DDI2: variants seen among roughly 807,000 people sequenced by gnomAD.
DDI2 encodes protein DDI1 homolog 2.
DDI2 carries 5 observed loss-of-function variants against 48.1 expected under a neutral mutation model. That is an observed-to-expected ratio of 0.10 (90% CI 0.05 to 0.22). The LOEUF is 0.22. DDI2 is among the 10% of genes least tolerant of loss of function. DDI2 has a pLI of 1.00. For missense variants in DDI2, 285 were observed against 506.2 expected, an observed-to-expected ratio of 0.56 and a Z score of 4.19; for synonymous variants, 205 against 183.6, an observed-to-expected ratio of 1.12 and a Z score of -0.94.
At chr1:15,620,095 C>G (rs909813093) in intron 1 of DDI2, among the ~76,000 whole-genome samples, 2 of 152,160 alleles carry the variant, frequency 1.3e-5, no homozygotes, top group Non-Finnish European at 2.9e-5. Flanking sequence ...CAAATTATTT[C>G]TTGTTCATTA....
chr1:15,661,296 C>T lies in DDI2; in HGVS notation c.*1506C>T, dbSNP rs1640371677. ...ATAAGAACCGTTCTGTCACTGTAACCTCAGCTAAAACATCCAATCAGTTAC... is the reference window on the plus strand; with the variant it reads ...ATAAGAACCGTTCTGTCACTGTAACTTCAGCTAAAACATCCAATCAGTTAC... On this transcript the variant is annotated 3_prime_UTR_variant, in exon 10 of 10. Coordinates refer to ENST00000480945, the MANE Select transcript of DDI2 (RefSeq NM_032341.5). The T allele has an allele frequency of 2.5e-6, 4 of 1,613,942 alleles. 1 individual carries two copies. The South Asian group carries it at 3.3e-5, about 13-fold the overall frequency.
intron 6 of DDI2, among the ~76,000 whole-genome samples, chr1:15,644,578 GTTTTTTTTGTTTTTTTTTT>G (rs1232902784): frequency 8.2e-5 from 9 of 110,152 alleles, no homozygotes; most frequent in Non-Finnish European, 1.5e-4. Flanking sequence ...TTTCTTTTCA[GTTTTTTTTGTTTTTTTTTT>G]TTTTTTTTTT....
chr1:15,661,827 G>T lies in DDI2; in HGVS notation c.*2037G>T, dbSNP rs537321999. ...ACTCACCACATATACAGTATATATA[G>T]AAACCTGCAAGCAGAATGTTGAGCC... On this transcript the variant is annotated 3_prime_UTR_variant, in exon 10 of 10. Transcript: ENST00000480945. 12 of 1,344,732 alleles carry T rather than the reference G, an allele frequency of 8.9e-6. No homozygotes were observed. The highest frequency in any genetic ancestry group is 1.1e-5 in the Non-Finnish European group (11 of 1,036,574). 83.3% of individuals were successfully genotyped at this position (1,344,732 alleles called of 1,614,324 possible).
rs781075305 is a variant in DDI2 at position 15,651,821 on chromosome 1, G to A, written c.1109G>A (p.Arg370Lys). The change falls in exon 8 of 10, where the codon AGA (arginine) becomes AAA (lysine). Residue 370 changes from arginine (R) to lysine (K), a missense_variant. By Grantham distance (26) the Arg-to-Lys change is conservative. Around this residue, in one of 3 missense-constraint regions of DDI2, gnomAD observed 66 missense variants for 87.3 expected, o/e 0.76. Coordinates refer to ENST00000480945, the MANE Select transcript of DDI2 (RefSeq NM_032341.5). The part of the protein sequence containing the change: ...ECARLAYGAG[R>K]EDVRPEEIAD... ...GCCCGGTTGGCATATGGGGCTGGAA[G>A]AGAGGATGTACGGCCAGAGGAGATT... 9 of 1,614,110 alleles carry A rather than the reference G, an allele frequency of 5.6e-6. No individual in the cohort carries two copies. Among genetic ancestry groups the A allele is most frequent in the Non-Finnish European group, 7.6e-6 (9 of 1,179,992 alleles).
intron 8 of DDI2, among the ~76,000 whole-genome samples, chr1:15,654,629 C>T (rs1221064248): frequency 6.6e-6 from 1 of 150,924 alleles, no homozygotes; most frequent in African/African-American, 2.4e-5. Context: ...TGCAATCCAG[C>T]CTGGGTGACA....
In DDI2 at chr1:15,659,919, A is replaced by G. The variant is rs760625323; in HGVS notation, c.*129A>G. The stretch of plus-strand genomic sequence containing the variant: ...GGTTTAACCATCCCGCCCGTTCTTC[A>G]GGACAGAGTCCTGATGTTGGTAATC... On this transcript the variant is annotated 3_prime_UTR_variant, in exon 10 of 10. Coordinates refer to ENST00000480945, the MANE Select transcript of DDI2 (RefSeq NM_032341.5). 1 of 1,609,458 alleles carries G rather than the reference A, an allele frequency of 6.2e-7. No individual in the cohort carries two copies. Among genetic ancestry groups the G allele is most frequent in the South Asian group, 1.1e-5 (1 of 90,120 alleles).
At chr1:15,658,763 A>AAT (rs1640313333) in intron 9 of DDI2, among the ~76,000 whole-genome samples, 1 of 151,522 alleles carries the variant, frequency 6.6e-6, no homozygotes, top group African/African-American at 2.4e-5. Context: ...TTAAAAAAAA[A>AAT]AAAAAATTCT....
Position 15,638,354 on chromosome 1 carries a change from C to T in DDI2, c.680C>T (p.Pro227Leu). ...ATGACAATAGCTATGGAAGAGGCTC[C>T]GGAAAGTTTTGGCCAAGTAGTGATG... is the stretch of plus-strand genomic sequence containing the variant. ...ENMTIAMEEA[P>L]ESFGQVVMLY... The change falls in exon 5 of 10, where the codon CCG (proline) becomes CTG (leucine). Residue 227 changes from proline (P) to leucine (L), a missense_variant. Physicochemically the swap from Pro to Leu is moderately conservative, Grantham distance 98 (BLOSUM62 -3). Around this residue, in one of 3 missense-constraint regions of DDI2, gnomAD observed 70 missense variants for 182.3 expected, o/e 0.38. Transcript: ENST00000480945. 1 of 1,613,812 alleles carries T rather than the reference C, an allele frequency of 6.2e-7. No individual in the cohort carries two copies. Among genetic ancestry groups the T allele is most frequent in the Non-Finnish European group, 8.5e-7 (1 of 1,179,938 alleles).
At position 15,665,372 on chromosome 1, in the gene DDI2, CCT is replaced by C. The variant is rs2148311656; in HGVS notation, c.*5583_*5584del. On this transcript the variant is annotated 3_prime_UTR_variant, in exon 10 of 10. Transcript: ENST00000480945. ...TTGCAGCCCACATCTTCTAGAGCTC[CCT>C]GTCTTCATATGTACTAAAGGGAGAC... 1 of 152,220 alleles carries C rather than the reference CCT, an allele frequency of 6.6e-6. No individual in the cohort carries two copies. Among genetic ancestry groups the C allele is most frequent in the South Asian group, 2.1e-4 (1 of 4,814 alleles). 9.4% of individuals were successfully genotyped at this position (152,220 alleles called of 1,614,324 possible). A position where few individuals can be genotyped will look rare whatever the true frequency, so the allele number is the denominator to read the frequency against.
chr1:15,648,626 A>G (rs1640126017), intron 6 of DDI2, among the ~76,000 whole-genome samples: 1 of 152,212 alleles, frequency 6.6e-6, no homozygotes, highest in Admixed American at 6.5e-5. Context: ...AACATTGATC[A>G]ATGAGAGGAA....
At chr1:15,647,819 C>T (rs554080700) in intron 6 of DDI2, among the ~76,000 whole-genome samples, 4 of 152,068 alleles carry the variant, frequency 2.6e-5, no homozygotes, top group South Asian at 2.1e-4. Flanking sequence ...AAAAATTAGC[C>T]GGTTGTCATG....
At chr1:15,625,890 T>TA (rs1399259452) in intron 1 of DDI2, among the ~76,000 whole-genome samples, 2 of 152,338 alleles carry the variant, frequency 1.3e-5, no homozygotes, top group Non-Finnish European at 2.9e-5. Flanking sequence ...GTGCTGGAAT[T>TA]ACAGGCGTGA....
rs1292598097 is a variant in DDI2 at position 15,644,592 on chromosome 1, T to G, written c.889+942T>G. Among the ~76,000 whole-genome samples the G allele has an allele frequency of 1.5e-4, 19 of 127,770 alleles. No homozygotes were observed. The East Asian group carries it at 2.6e-3, about 17-fold the overall frequency. The allele number at this position is 127,770 out of a possible 152,430, so 83.8% of individuals were successfully genotyped here. ...TTTTCTTTTCAGTTTTTTTTGTTTT[T>G]TTTTTTTTTTTTTTTTTTTGAGACG... On this transcript the variant is annotated intron_variant, in intron 6 of 9. Transcript: ENST00000480945.
At chr1:15,643,685 G>A (rs768477842) in intron 6 of DDI2, 35 bp downstream of exon 6, 1 of 1,609,968 alleles carries the variant, frequency 6.2e-7, no homozygotes. Context: ...CTGTCTTTCT[G>A]TAGGCTATTT....
chr1:15,634,941 C>T (rs1301147694), intron 4 of DDI2, among the ~76,000 whole-genome samples: 1 of 152,162 alleles, frequency 6.6e-6, no homozygotes, highest in Non-Finnish European at 1.5e-5. Context: ...TCTTACTCTT[C>T]TTACTACATT....
At position 15,660,977 on chromosome 1, in the gene DDI2, C is replaced by G. The variant is rs750793943; in HGVS notation, c.*1187C>G. The G allele has an allele frequency of 2.9e-5, 47 of 1,613,804 alleles. No individual in the cohort carries two copies. Among genetic ancestry groups the G allele is most frequent in the Non-Finnish European group, 3.2e-5 (38 of 1,179,938 alleles). ...CTTTTGGTTGTTAGCAGTAAACCAG[C>G]TTCAGAAAATACATCTGAAGAAGTA... On this transcript the variant is annotated 3_prime_UTR_variant, in exon 10 of 10. Coordinates refer to ENST00000480945, the MANE Select transcript of DDI2 (RefSeq NM_032341.5).
chr1:15,634,454 A>G (rs1639895894), intron 4 of DDI2: 1 of 152,150 alleles, frequency 6.6e-6, no homozygotes, highest in African/African-American at 2.4e-5. Context: ...GGTTACTTAA[A>G]TGAAGCCTAA....
chr1:15,644,836 G>A (rs1488393502), intron 6 of DDI2, among the ~76,000 whole-genome samples: 1 of 151,494 alleles, frequency 6.6e-6, no homozygotes, highest in African/African-American at 2.4e-5. Flanking sequence ...CTCGTGATCC[G>A]CCCGCCTCGG....
chr1:15,656,481 A>G, intron 8 of DDI2, 136 bp from the exon 9 acceptor site: 1 of 1,577,186 alleles, frequency 6.3e-7, no homozygotes. Context: ...TGTCCAAACT[A>G]CAGAAACATC....
Sources: gnomAD v4.1 joint callset for allele counts (sites outside exome capture counted in the v4.1 genomes callset) on GRCh38, gnomAD v4.1.1 for gene constraint, gnomAD v4.1.1 regional missense constraint, MANE v1.5 for transcripts, NCBI Gene and HGNC (gene_info 2026-07-23, HGNC 2026-07-21) for gene names.